CACNA2D3: variants seen among roughly 807,000 people sequenced by gnomAD.
CACNA2D3 encodes the protein calcium voltage-gated channel auxiliary subunit alpha2delta 3, also known as voltage-dependent calcium channel subunit alpha-2/delta-3.
CACNA2D3 carries 60 observed loss-of-function variants against 160.6 expected under a neutral mutation model. The ratio of observed to expected loss-of-function variants is 0.37; its 90% confidence interval spans 0.30 to 0.46. CACNA2D3 has a LOEUF of 0.46. CACNA2D3 is among the 20% of genes least tolerant of loss of function. The pLI, the probability that CACNA2D3 is intolerant of heterozygous loss-of-function variation, is 1.00. For missense variants in CACNA2D3, 1,205 were observed against 1,365.0 expected (o/e 0.88, Z 1.85); for synonymous variants, 558 against 492.9 (o/e 1.13, Z -1.75).
At chr3:54,855,877 T>C (rs895187655) in intron 17 of CACNA2D3, among the ~76,000 whole-genome samples, 2 of 152,166 alleles carry the variant, frequency 1.3e-5, no homozygotes, top group African/African-American at 4.8e-5. Flanking sequence ...ACCCCTGCTC[T>C]CAAGGAGCTC....
rs188300509 is a variant in CACNA2D3 at position 54,816,762 on chromosome 3, G to A, written c.1381-91G>A. ...TCTCCCCATTTTGGTTTCTCCATTT[G>A]CAAATGGCAAGAAAATGAAGCTTTA... is the stretch of plus-strand genomic sequence containing the variant. On this transcript the variant is annotated intron_variant, in intron 13 of 37. Transcript: ENST00000474759. 253 of 1,479,472 alleles carry A rather than the reference G, an allele frequency of 1.7e-4. No individual in the cohort carries two copies. In the East Asian group the frequency reaches 3.9e-3, roughly 23 times the overall value. The allele number at this position is 1,479,472 out of a possible 1,614,324, so 91.6% of individuals were successfully genotyped here. A position where few individuals can be genotyped will look rare whatever the true frequency, so the allele number is the denominator to read the frequency against.
At chr3:54,760,582 G>T (rs1702064350) in intron 12 of CACNA2D3, among the ~76,000 whole-genome samples, 1 of 152,172 alleles carries the variant, frequency 6.6e-6, no homozygotes, top group South Asian at 2.1e-4. Context: ...TGGCTGTGAG[G>T]AGCCTAGACA....
chr3:54,999,891 A>G (rs1478147974), intron 31 of CACNA2D3, among the ~76,000 whole-genome samples: 1 of 152,228 alleles, frequency 6.6e-6, no homozygotes, highest in Non-Finnish European at 1.5e-5. Context: ...TCTACCCAGC[A>G]TGGGTGCAGG....
At chr3:54,900,412 G>A (rs932622410) in intron 27 of CACNA2D3, among the ~76,000 whole-genome samples, 6 of 152,154 alleles carry the variant, frequency 3.9e-5, no homozygotes, top group Admixed American at 2.0e-4. Flanking sequence ...AAGAAGTCCC[G>A]TTTCTGGCTT....
chr3:54,868,283 C>T (rs567353772), intron 17 of CACNA2D3, among the ~76,000 whole-genome samples: 1 of 152,216 alleles, frequency 6.6e-6, no homozygotes, highest in South Asian at 2.1e-4. Flanking sequence ...GTGTTTCATA[C>T]CCATTTTACG....
intron 35 of CACNA2D3, among the ~76,000 whole-genome samples, chr3:55,029,377 A>T (rs1057246824): frequency 6.6e-6 from 1 of 152,170 alleles, no homozygotes; most frequent in Non-Finnish European, 1.5e-5. Context: ...TTAAAAAAAG[A>T]TGTATTACTT....
intron 29 of CACNA2D3, among the ~76,000 whole-genome samples, chr3:54,970,995 G>A (rs1342751194): frequency 6.6e-6 from 1 of 151,630 alleles, no homozygotes; most frequent in Non-Finnish European, 1.5e-5. Flanking sequence ...GTGGACAAAG[G>A]AAAAACAAGT....
intron 3 of CACNA2D3, among the ~76,000 whole-genome samples, chr3:54,340,234 C>T: frequency 6.6e-6 from 1 of 152,142 alleles, no homozygotes; most frequent in East Asian, 1.9e-4. Context: ...AGACATGCAA[C>T]ACAATTGAAA....
intron 5 of CACNA2D3, among the ~76,000 whole-genome samples, chr3:54,518,094 G>A (rs1701583097): frequency 6.6e-6 from 1 of 152,168 alleles, no homozygotes; most frequent in Non-Finnish European, 1.5e-5. Flanking sequence ...CATCTGCAGA[G>A]GCTTCTTTAC....
At chr3:54,749,616 CTACTT>C (rs1431577882) in intron 11 of CACNA2D3, among the ~76,000 whole-genome samples, 1 of 152,060 alleles carries the variant, frequency 6.6e-6, no homozygotes, top group Non-Finnish European at 1.5e-5. Flanking sequence ...AAAATATTTC[CTACTT>C]TAAAGTAAAA....
At chr3:54,549,274 G>A (rs955454304) in intron 5 of CACNA2D3, among the ~76,000 whole-genome samples, 4 of 152,120 alleles carry the variant, frequency 2.6e-5, no homozygotes, top group South Asian at 2.1e-4. Flanking sequence ...GTGAAACCCC[G>A]TCTCTACTAA....
At chr3:54,924,606 A>G (rs1033798949) in intron 27 of CACNA2D3, 2 of 1,597,758 alleles carry the variant, frequency 1.3e-6, no homozygotes, top group Non-Finnish European at 1.7e-6. Context: ...GGTTCCAAAT[A>G]GACATGACTG....
intron 9 of CACNA2D3, among the ~76,000 whole-genome samples, chr3:54,589,265 G>A (rs7645766): frequency 0.014 from 2,118 of 152,136 alleles, 52 homozygotes; most frequent in African/African-American, 0.049. Flanking sequence ...GAAACAATTC[G>A]ATGGAGGAAG....
At chr3:54,975,541 A>C (rs71308054) in intron 29 of CACNA2D3, among the ~76,000 whole-genome samples, 61,943 of 139,580 alleles carry the variant, frequency 0.44, 14,175 homozygotes, top group Admixed American at 0.51. Context: ...AAAAAAAAAA[A>C]AAAAAACAAC....
chr3:54,361,595 C>A (rs149483397), intron 3 of CACNA2D3, among the ~76,000 whole-genome samples: 1,537 of 152,264 alleles, frequency 0.01, 65 homozygotes, highest in Admixed American at 0.058. Flanking sequence ...GTGTGAGGCA[C>A]CTATTGCAGC....
intron 17 of CACNA2D3, among the ~76,000 whole-genome samples, chr3:54,849,106 A>C (rs1272967761): frequency 6.6e-6 from 1 of 152,208 alleles, no homozygotes; most frequent in African/African-American, 2.4e-5. Flanking sequence ...GATCGTGTAC[A>C]TACACCATCA....
At chr3:54,654,238 C>T (rs2106869621) in intron 11 of CACNA2D3, among the ~76,000 whole-genome samples, 1 of 152,160 alleles carries the variant, frequency 6.6e-6, no homozygotes, top group East Asian at 1.9e-4. Context: ...GCAGGCAGAA[C>T]CCCAGAATCT....
At chr3:54,472,284 C>G (rs1700747541) in intron 4 of CACNA2D3, among the ~76,000 whole-genome samples, 1 of 152,130 alleles carries the variant, frequency 6.6e-6, no homozygotes. Flanking sequence ...TAAACAGAAC[C>G]AATGACAAAA....
chr3:54,806,095 CAT>C (rs1334892640), intron 13 of CACNA2D3, among the ~76,000 whole-genome samples: 7 of 152,198 alleles, frequency 4.6e-5, no homozygotes, highest in African/African-American at 1.7e-4. Context: ...CAGCCAATAT[CAT>C]ACTGAATGGG....
Sources: gnomAD v4.1 joint callset for allele counts (sites outside exome capture counted in the v4.1 genomes callset) on GRCh38, gnomAD v4.1.1 for gene constraint, MANE v1.5 for transcripts, NCBI Gene and HGNC (gene_info 2026-07-23, HGNC 2026-07-21) for gene names.